GARNL3: variants seen among roughly 807,000 people sequenced by gnomAD.
GARNL3 encodes GTPase-activating Rap/Ran-GAP domain-like protein 3.
GARNL3 carries 63 observed loss-of-function variants against 125.0 expected under a neutral mutation model. The ratio of observed to expected loss-of-function variants is 0.50; its 90% CI spans 0.41 to 0.62. The LOEUF is 0.62. GARNL3 is among the 20% of genes least tolerant of loss of function. The pLI is 0.00. For missense variants in GARNL3, 994 were observed against 1,244.0 expected, an observed-to-expected ratio of 0.80 and a Z score of 3.02; for synonymous variants, 439 against 457.5, an observed-to-expected ratio of 0.96 and a Z score of 0.52.
At chr9:127,366,247 A>G (rs1053297853) in intron 22 of GARNL3, among the ~76,000 whole-genome samples, 7 of 152,236 alleles carry the variant, frequency 4.6e-5, no homozygotes, top group African/African-American at 1.7e-4. Flanking sequence ...TTTTATAAAC[A>G]TCATCTTTCA....
Position 127,389,081 on chromosome 9 carries a change from T to A in GARNL3, c.2705T>A (p.Ile902Asn), listed in dbSNP as rs1367567515. The A allele has an allele frequency of 1.9e-6, 3 of 1,614,174 alleles. No homozygotes were observed. The South Asian group carries it at 3.3e-5, about 18-fold the overall frequency. Residue 902 changes from isoleucine to asparagine, a missense_variant, in exon 26 of 28, where the codon ATC (isoleucine) becomes AAC (asparagine). Coordinates refer to ENST00000373387, the MANE Select transcript of GARNL3 (RefSeq NM_032293.5). ...THSLSLSRME[I>N]KEIASRTRRE... is the part of the protein sequence containing the mutation. ...TCCTTGTCCCTGTCTCGCATGGAGA[T>A]CAAAGAAATAGCAAGCAGGACCCGC...
intron 19 of GARNL3, among the ~76,000 whole-genome samples, chr9:127,354,705 C>G (rs1830594596): frequency 6.6e-6 from 1 of 152,204 alleles, no homozygotes; most frequent in South Asian, 2.1e-4. Context: ...GCTCTAATTA[C>G]TTTAATTGAT....
At chr9:127,341,376 A>G (rs901403276) in intron 13 of GARNL3, among the ~76,000 whole-genome samples, 4 of 152,232 alleles carry the variant, frequency 2.6e-5, no homozygotes, top group African/African-American at 9.6e-5. Context: ...ACTTGAGAGC[A>G]TGTGCTCACT....
intron 22 of GARNL3, among the ~76,000 whole-genome samples, chr9:127,372,559 TCTTA>T (rs943142120): frequency 5.3e-5 from 8 of 152,334 alleles, no homozygotes; most frequent in African/African-American, 7.2e-5. Flanking sequence ...TTTTCCTGGG[TCTTA>T]CTTACTTTGT....
intron 1 of GARNL3, among the ~76,000 whole-genome samples, chr9:127,235,598 T>C (rs1047710982): frequency 4.6e-5 from 7 of 152,106 alleles, no homozygotes; most frequent in African/African-American, 1.2e-4. Flanking sequence ...CATAATGTGA[T>C]TGACATTTTT....
chr9:127,273,434 T>C (rs1460857890), intron 1 of GARNL3, among the ~76,000 whole-genome samples: 1 of 152,264 alleles, frequency 6.6e-6, no homozygotes, highest in African/African-American at 2.4e-5. Flanking sequence ...AAACTATTTT[T>C]CGTCCAAATC....
At chr9:127,330,489 ATATT>A (rs542086387) in intron 7 of GARNL3, among the ~76,000 whole-genome samples, 138 of 152,330 alleles carry the variant, frequency 9.1e-4, no homozygotes, top group African/African-American at 2.9e-3. Flanking sequence ...TATGTCATGA[ATATT>A]TATTAATCTT....
At chr9:127,289,590 T>A (rs2064353743) in intron 1 of GARNL3, among the ~76,000 whole-genome samples, 1 of 152,228 alleles carries the variant, frequency 6.6e-6, no homozygotes. Flanking sequence ...ATCCCATAGA[T>A]GTGGTTGACC....
intron 14 of GARNL3, among the ~76,000 whole-genome samples, chr9:127,342,634 G>C (rs1487792349): frequency 2.0e-5 from 3 of 152,158 alleles, no homozygotes; most frequent in African/African-American, 7.2e-5. Flanking sequence ...GCATTGAAGA[G>C]TGCTTTTTTT....
rs1446382484 is a variant in GARNL3, at chr9:127,342,898, T to C, written c.1251+564T>C. Among the ~76,000 whole-genome samples the C allele has an allele frequency of 4.2e-4, 61 of 146,884 alleles. 1 individual carries two copies. Among genetic ancestry groups the C allele is most frequent in the African/African-American group, 1.1e-3 (45 of 40,070 alleles). On this transcript the variant is annotated intron_variant, in intron 14 of 27. Transcript: ENST00000373387. ...GGTGCACATGTGCTCTTTTCTTTTT[T>C]TTTTTTTTTTTTTTTGGAGACAGAG...
intron 1 of GARNL3, among the ~76,000 whole-genome samples, chr9:127,278,097 A>G (rs1261588123): frequency 2.6e-5 from 4 of 152,088 alleles, no homozygotes; most frequent in Admixed American, 2.6e-4. Context: ...TGTGCATGTG[A>G]TGCTGATATA....
At chr9:127,332,793 G>A (rs1287861798) in intron 8 of GARNL3, among the ~76,000 whole-genome samples, 1 of 152,152 alleles carries the variant, frequency 6.6e-6, no homozygotes, top group Non-Finnish European at 1.5e-5. Context: ...TCCCAGGCTG[G>A]CAGTAGTAAG....
At chr9:127,240,615 A>C (rs1261499269) in intron 1 of GARNL3, among the ~76,000 whole-genome samples, 1 of 152,208 alleles carries the variant, frequency 6.6e-6, no homozygotes, top group African/African-American at 2.4e-5. Flanking sequence ...AATTCATTTT[A>C]ATAAGGGGCT....
At chr9:127,374,301 C>CA (rs1351501351) in intron 22 of GARNL3, among the ~76,000 whole-genome samples, 2 of 144,436 alleles carry the variant, frequency 1.4e-5, no homozygotes. Context: ...AACTCTGTCT[C>CA]AAAAAAACAA....
At chr9:127,274,865 A>G (rs1172682576) in intron 1 of GARNL3, among the ~76,000 whole-genome samples, 1 of 152,208 alleles carries the variant, frequency 6.6e-6, no homozygotes, top group Admixed American at 6.5e-5. Context: ...TTGTGGTTTC[A>G]TACACTCAGG....
At chr9:127,351,860 T>G (rs1205956148) in intron 17 of GARNL3, among the ~76,000 whole-genome samples, 2 of 152,256 alleles carry the variant, frequency 1.3e-5, no homozygotes, top group African/African-American at 4.8e-5. Flanking sequence ...ATAAAGAGAT[T>G]ACAGGAAGGA....
chr9:127,249,061 T>C (rs901708757), intron 2 of GARNL3, among the ~76,000 whole-genome samples: 18 of 152,068 alleles, frequency 1.2e-4, no homozygotes, highest in African/African-American at 4.3e-4. Context: ...GTTTTCTTTT[T>C]TATTTCCTTT....
Position 127,378,342 on chromosome 9 carries a change from C to T in GARNL3, c.2162-5096C>T, listed in dbSNP as rs921223111. The stretch of plus-strand genomic sequence containing the variant: ...CATGGTCACGCCTGTAATCCCAGCA[C>T]TTTGGGAGGCCAAGAGGGCAGATCA... On this transcript the variant is annotated intron_variant, in intron 22 of 27. Transcript: ENST00000373387. Among the ~76,000 whole-genome samples, 10 of 151,894 alleles carry T rather than the reference C, an allele frequency of 6.6e-5. No individual in the cohort carries two copies. The South Asian group carries it at 1.9e-3, about 28-fold the overall frequency.
Position 127,392,945 on chromosome 9 carries a change from C to A in GARNL3, c.2871-138C>A, listed in dbSNP as rs971878833. ...TGATGGGGGTGGCATTCCAGCACTT[C>A]CCCACCTCTACCACATAACAGTGAG... is the stretch of plus-strand genomic sequence containing the variant. On this transcript the variant is annotated intron_variant, in intron 27 of 27. Coordinates refer to ENST00000373387, the MANE Select transcript of GARNL3 (RefSeq NM_032293.5). The surrounding 1 kb of genome is among the most constrained non-coding windows in gnomAD (Gnocchi z 5.2). 7 of 667,134 alleles carry A rather than the reference C, an allele frequency of 1.0e-5. No individual in the cohort carries two copies. The African/African-American group carries it at 1.2e-4, about 12-fold the overall frequency. 41.3% of individuals were successfully genotyped at this position (667,134 alleles called of 1,614,324 possible). A position where few individuals can be genotyped will look rare whatever the true frequency, so the allele number is the denominator to read the frequency against.
Sources: allele counts gnomAD v4.1 joint callset (sites outside exome capture counted in the v4.1 genomes callset), GRCh38; gene constraint gnomAD v4.1.1; non-coding constraint Gnocchi (gnomAD v3.1); transcripts MANE v1.5; gene names NCBI Gene and HGNC (gene_info 2026-07-23, HGNC 2026-07-21).